ASS1: variants seen among roughly 807,000 people sequenced by gnomAD.
ASS1 encodes the protein argininosuccinate synthase.
In ASS1, 58 loss-of-function variants were observed where a neutral mutation model predicts 60.5. The ratio of observed to expected loss-of-function variants is 0.96; its 90% CI spans 0.78 to 1.19. The LOEUF is 1.19. Among genes scored for constraint, ASS1 ranks in the 50% most tolerant of loss-of-function variants. The probability of loss-of-function intolerance (pLI) is 0.00; values close to 1 mark genes in which losing one functional copy is unlikely to be tolerated. For synonymous variants in ASS1, 200 were observed against 206.9 expected (o/e 0.97, Z 0.29); for missense variants, 454 against 547.3 (o/e 0.83, Z 1.70).
intron 11 of ASS1, among the ~76,000 whole-genome samples, chr9:130,484,834 C>T (rs777743959): frequency 3.2e-4 from 49 of 151,468 alleles, no homozygotes; most frequent in Non-Finnish European, 5.6e-4. Flanking sequence ...CACACACGTG[C>T]GCGCGCGCGC....
intron 6 of ASS1, 134 bp downstream of exon 6, chr9:130,466,933 C>T (rs1251196815): frequency 9.7e-7 from 1 of 1,034,920 alleles, no homozygotes; most frequent in Non-Finnish European, 1.5e-6. Context: ...GAACTTCCAC[C>T]CCAGCTGCCT....
intron 13 of ASS1, among the ~76,000 whole-genome samples, chr9:130,495,482 C>T (rs1222424857): frequency 1.3e-4 from 19 of 150,580 alleles, no homozygotes; most frequent in African/African-American, 4.4e-4. Flanking sequence ...TACACACACA[C>T]ACACACACAC....
In ASS1 at chr9:130,476,855, TTCTG is replaced by T. The variant is rs1564154394; in HGVS notation, c.598-12_598-9del. On this transcript the variant is annotated splice_polypyrimidine_tract_variant and intron_variant, in intron 8 of 14. Coordinates refer to ENST00000352480, the MANE Select transcript of ASS1 (RefSeq NM_054012.4). This position sits in a 1 kb window ranked among gnomAD's most constrained non-coding sequence, Gnocchi z 4.9. Reference sequence around the variant, plus strand: ...ACTGGTATGTCATCTGCCCACCACTTTCTGTCTTTTTTCAGAACCAAGCGCCTCC... The same window carrying T: ...ACTGGTATGTCATCTGCCCACCACTTTCTTTTTTCAGAACCAAGCGCCTCC... 3 of 1,609,692 alleles carry T rather than the reference TTCTG, an allele frequency of 1.9e-6. No individual in the cohort carries two copies. Among genetic ancestry groups the T allele is most frequent in the Non-Finnish European group, 2.6e-6 (3 of 1,176,276 alleles).
At position 130,479,723 on chromosome 9, in the gene ASS1, T is replaced by C. The variant is rs780610902; in HGVS notation, c.696T>C (p.Pro232=). Residue 232 remains proline (P), a synonymous_variant, in exon 10 of 15, where the codon CCT becomes CCC. Transcript: ENST00000352480. ...CCTCTCTTCCCACCCTAGGGGTCCC[T>C]GTGAAGGTGACCAACGTCAAGGATG... The part of the protein sequence containing the change: ...ILEIEFKKGV[P]VKVTNVKDGT... 7 of 1,613,888 alleles carry C rather than the reference T, an allele frequency of 4.3e-6. No homozygotes were observed. In the South Asian group the frequency reaches 6.6e-5, roughly 15 times the overall value.
chr9:130,446,504 T>C (rs1845199953), intron 1 of ASS1, among the ~76,000 whole-genome samples: 2 of 152,044 alleles, frequency 1.3e-5, no homozygotes, highest in Admixed American at 6.5e-5. Context: ...CTGGTTCTGC[T>C]CTGTGGGGGT....
chr9:130,466,799 G>A lies in ASS1; in HGVS notation c.495G>A (p.Lys165=). 7 of 1,614,026 alleles carry A rather than the reference G, an allele frequency of 4.3e-6. No homozygotes were observed. The highest frequency in any genetic ancestry group is 5.9e-6 in the Non-Finnish European group (7 of 1,179,960). ...GCAATGACCTGATGGAGTACGCAAA[G>A]GTATGGCCGAGTCTCCCCACCACCC... ...KGRNDLMEYA[K]QHGIPIPVTP... The change falls in exon 6 of 15, where the codon AAG becomes AAA. Residue 165 remains lysine (K), a splice_region_variant and synonymous_variant. Coordinates refer to ENST00000352480, the MANE Select transcript of ASS1 (RefSeq NM_054012.4).
chr9:130,454,491 G>T, intron 3 of ASS1, 118 bp downstream of exon 3: 1 of 1,118,644 alleles, frequency 8.9e-7, no homozygotes, highest in South Asian at 1.4e-5. Flanking sequence ...GCTTCTAAGA[G>T]TATGAGATCA....
intron 4 of ASS1, among the ~76,000 whole-genome samples, 181 bp from the exon 5 acceptor site, chr9:130,463,930 C>T (rs1054229111): frequency 4.6e-5 from 7 of 152,086 alleles, no homozygotes; most frequent in African/African-American, 7.2e-5. Context: ...TGTCCCCAGA[C>T]GTGCACATCT....
intron 5 of ASS1, among the ~76,000 whole-genome samples, chr9:130,465,759 C>T (rs930458306): frequency 1.3e-5 from 2 of 152,218 alleles, no homozygotes; most frequent in South Asian, 4.1e-4. Context: ...GGAGGTGAGC[C>T]GTAATGAGCT....
Position 130,495,172 on chromosome 9 carries a change from C to A in ASS1, c.1127+149C>A. 3 of 1,164,420 alleles carry A rather than the reference C, an allele frequency of 2.6e-6. No homozygotes were observed. In the South Asian group the frequency reaches 4.0e-5, roughly 15 times the overall value. The allele number at this position is 1,164,420 out of a possible 1,614,324, so 72.1% of individuals were successfully genotyped here. ...CAGAGGATATAGACACCACTATGCT[C>A]CCGTGGAACTTACAGGCTAGCTGGG... On this transcript the variant is annotated intron_variant, in intron 13 of 14. Transcript: ENST00000352480.
intron 13 of ASS1, 128 bp downstream of exon 13, chr9:130,495,151 G>A: frequency 1.5e-6 from 2 of 1,302,082 alleles, no homozygotes; most frequent in Non-Finnish European, 2.1e-6. Flanking sequence ...TGGTCACAGA[G>A]GATATAGACA....
chr9:130,464,363 C>T (rs539231238), intron 5 of ASS1, among the ~76,000 whole-genome samples, 196 bp downstream of exon 5: 3 of 152,280 alleles, frequency 2.0e-5, no homozygotes, highest in Non-Finnish European at 2.9e-5. Flanking sequence ...CTTTCTTCCC[C>T]GCCATTCATT....
intron 10 of ASS1, 32 bp from the exon 11 acceptor site, chr9:130,480,353 G>A (rs376210851): frequency 4.5e-5 from 72 of 1,613,792 alleles, no homozygotes; most frequent in Admixed American, 1.0e-4. Flanking sequence ...TTGCGGTAGC[G>A]CCCGAACCTA....
rs754486641 is a variant in ASS1, at chr9:130,466,756, A to C, written c.452A>C (p.Tyr151Ser). The C allele has an allele frequency of 5.6e-6, 9 of 1,613,950 alleles. No homozygotes were observed. Among genetic ancestry groups the C allele is most frequent in the Admixed American group, 5.0e-5 (3 of 60,002 alleles). The change falls in exon 6 of 15, where the codon TAC becomes TCC. Residue 151 changes from tyrosine to serine, a missense_variant. Coordinates refer to ENST00000352480, the MANE Select transcript of ASS1 (RefSeq NM_054012.4). The stretch of plus-strand genomic sequence containing the variant: ...GCTCCCTGGAGGATGCCTGAATTCT[A>C]CAACCGGTTCAAGGGCCGCAATGAC... ...VIAPWRMPEF[Y>S]NRFKGRNDLM...
intron 4 of ASS1, among the ~76,000 whole-genome samples, chr9:130,463,273 T>C (rs1845646921): frequency 6.6e-6 from 1 of 152,246 alleles, no homozygotes; most frequent in Admixed American, 6.5e-5. Flanking sequence ...TGCGCGGCCA[T>C]TTTCTCTCTG....
In ASS1 at chr9:130,488,018, G is replaced by C. The variant is rs1423779865; in HGVS notation, c.839-1315G>C. 6.6e-6 allele frequency among the ~76,000 whole-genome samples: 1 copy of C among 152,064 alleles called. No individual in the cohort carries two copies. The highest frequency in any genetic ancestry group is 1.5e-5 in the Non-Finnish European group (1 of 68,002). ...GATCCACCTGCCTCGGCCTCCCAAA[G>C]TGCTAGAATTATTACAGTCATGAGC... On this transcript the variant is annotated intron_variant, in intron 11 of 14. Coordinates refer to ENST00000352480, the MANE Select transcript of ASS1 (RefSeq NM_054012.4). The surrounding 1 kb of genome is among the most constrained non-coding windows in gnomAD (Gnocchi z 5.2).
rs758038108 is a variant in ASS1, at chr9:130,452,316, G to A, written c.88G>A (p.Asp30Asn). 6.2e-7 allele frequency: 1 copy of A among 1,614,112 alleles called. No homozygotes were observed. The highest frequency in any genetic ancestry group is 8.5e-7 in the Non-Finnish European group (1 of 1,179,964). ...CGTGTGGCTGAAGGAACAAGGCTATGACGTCATTGCCTATCTGGTGAGGGA... is the reference window on the plus strand; with the variant it reads ...CGTGTGGCTGAAGGAACAAGGCTATAACGTCATTGCCTATCTGGTGAGGGA... ...ILVWLKEQGYDVIAYLANIGQ... is the reference protein window; with the variant it reads ...ILVWLKEQGYNVIAYLANIGQ... The change falls in exon 2 of 15, where the codon GAC becomes AAC. Residue 30 changes from aspartate (D) to asparagine (N), a missense_variant. Asp to Asn is a conservative substitution (Grantham distance 23, BLOSUM62 1). Coordinates refer to ENST00000352480, the MANE Select transcript of ASS1 (RefSeq NM_054012.4).
intron 9 of ASS1, among the ~76,000 whole-genome samples, chr9:130,479,356 C>T (rs531762404): frequency 1.6e-4 from 24 of 152,196 alleles, no homozygotes; most frequent in African/African-American, 5.1e-4. Context: ...AGGCGGCCCC[C>T]GGGTGACTGG....
intron 10 of ASS1, among the ~76,000 whole-genome samples, chr9:130,480,115 G>A (rs561317377): frequency 1.1e-4 from 16 of 152,362 alleles, no homozygotes; most frequent in East Asian, 1.9e-4. Flanking sequence ...TAGCTGTGGC[G>A]CTAGGCAGGG....
Sources: allele counts gnomAD v4.1 joint callset (sites outside exome capture counted in the v4.1 genomes callset), GRCh38; gene constraint gnomAD v4.1.1; non-coding constraint Gnocchi (gnomAD v3.1); transcripts MANE v1.5; gene names NCBI Gene and HGNC (gene_info 2026-07-23, HGNC 2026-07-21).